EXOC4: variants seen among roughly 807,000 people sequenced by gnomAD.
The protein encoded by EXOC4 is exocyst complex component 4.
EXOC4 carries 71 observed loss-of-function variants against 107.2 expected under a neutral mutation model. The ratio of observed to expected loss-of-function variants is 0.66; its 90% CI spans 0.55 to 0.81. The LOEUF (loss-of-function observed/expected upper bound fraction) is 0.81, where lower values mean the gene tolerates loss of function less well. Ranked by LOEUF, EXOC4 falls within the 30% of genes least tolerant of loss-of-function variation. EXOC4 has a pLI of 0.00. For synonymous variants in EXOC4, 456 were observed against 441.2 expected, an observed-to-expected ratio of 1.03 and a Z score of -0.42; for missense variants, 1,108 against 1,189.6, an observed-to-expected ratio of 0.93 and a Z score of 1.01.
At chr7:133,420,119 C>A (rs1285281709) in intron 7 of EXOC4, among the ~76,000 whole-genome samples, 1 of 126,820 alleles carries the variant, frequency 7.9e-6, no homozygotes, top group East Asian at 2.4e-4. Flanking sequence ...ATCCCTCCCC[C>A]CTCCCCCCAC....
chr7:134,005,016 A>G lies in EXOC4; in HGVS notation c.2453A>G (p.Asn818Ser), dbSNP rs768204269. The G allele has an allele frequency of 1.2e-6, 2 of 1,613,564 alleles. No homozygotes were observed. The highest frequency in any genetic ancestry group is 1.7e-6 in the Non-Finnish European group (2 of 1,179,692). Reference protein sequence around the residue: ...MDYDPLVVKLNKDISAIEEAM... With the variant: ...MDYDPLVVKLSKDISAIEEAM... The stretch of plus-strand genomic sequence containing the variant: ...TATGACCCCCTGGTGGTCAAGCTCA[A>G]CAAAGATATCAGCGCCATTGAAGAG... Residue 818 changes from asparagine (N) to serine (S), a missense_variant, in exon 16 of 18, where the codon AAC (asparagine) becomes AGC (serine). Coordinates refer to ENST00000253861, the MANE Select transcript of EXOC4 (RefSeq NM_021807.4).
At chr7:133,526,720 C>G (rs534838860) in intron 9 of EXOC4, among the ~76,000 whole-genome samples, 1 of 152,244 alleles carries the variant, frequency 6.6e-6, no homozygotes, top group African/African-American at 2.4e-5. Context: ...GCCTATAGTC[C>G]CAGCACTTTG....
chr7:133,580,061 T>G (rs1449876708), intron 9 of EXOC4, among the ~76,000 whole-genome samples: 2 of 152,214 alleles, frequency 1.3e-5, no homozygotes, highest in African/African-American at 4.8e-5. Context: ...AGTGTTTGCC[T>G]TTTCGTGACT....
Position 134,045,502 on chromosome 7 carries a change from C to A in EXOC4, c.2688-18789C>A, listed in dbSNP as rs553698698. On this transcript the variant is annotated intron_variant, in intron 17 of 17. Coordinates refer to ENST00000253861, the MANE Select transcript of EXOC4 (RefSeq NM_021807.4). ...GAGAACATGGAACTGCAGCAAACAT[C>A]TCAATTAATGGATCAATCCTCACAA... Among the ~76,000 whole-genome samples the A allele has an allele frequency of 3.9e-5, 6 of 152,322 alleles. No individual in the cohort carries two copies. The South Asian group carries it at 1.2e-3, about 32-fold the overall frequency.
intron 13 of EXOC4, among the ~76,000 whole-genome samples, chr7:133,936,257 C>A (rs1401062910): frequency 2.0e-5 from 3 of 152,184 alleles, no homozygotes; most frequent in Non-Finnish European, 4.4e-5. Flanking sequence ...AAAAAGATAA[C>A]CCTCGGCTAA....
chr7:133,848,906 T>C (rs1798187865), intron 11 of EXOC4, among the ~76,000 whole-genome samples: 2 of 152,202 alleles, frequency 1.3e-5, no homozygotes, highest in South Asian at 4.1e-4. Context: ...TCAGTACATA[T>C]TTATTGAGTA....
intron 17 of EXOC4, among the ~76,000 whole-genome samples, chr7:134,053,333 C>G (rs1004085930): frequency 6.6e-6 from 1 of 151,922 alleles, no homozygotes; most frequent in Non-Finnish European, 1.5e-5. Flanking sequence ...CTAAATGCTT[C>G]TACATTCTTA....
chr7:133,806,313 A>T (rs1323927439), intron 10 of EXOC4, among the ~76,000 whole-genome samples: 1 of 152,210 alleles, frequency 6.6e-6, no homozygotes, highest in Non-Finnish European at 1.5e-5. Flanking sequence ...AAAATAGAGA[A>T]CACAGGAGGA....
At chr7:134,072,752 A>C in the EXOC4 span, among the ~76,000 whole-genome samples, 1 of 152,178 alleles carries the variant, frequency 6.6e-6, no homozygotes, top group African/African-American at 2.4e-5. Context: ...GCTCCTGTCC[A>C]ACAGAGGCAT....
intron 6 of EXOC4, among the ~76,000 whole-genome samples, chr7:133,359,681 T>A (rs1796097120): frequency 1.3e-5 from 2 of 152,314 alleles, no homozygotes; most frequent in South Asian, 4.1e-4. Context: ...CTGGTTGTGA[T>A]GCATTGCAGG....
At chr7:133,434,513 CT>C (rs879305304) in intron 7 of EXOC4, among the ~76,000 whole-genome samples, 3 of 152,178 alleles carry the variant, frequency 2.0e-5, no homozygotes, top group Non-Finnish European at 4.4e-5. Context: ...CAAAGCTCCC[CT>C]CCAAGTCATT....
chr7:133,695,737 G>C (rs750524969), intron 10 of EXOC4, among the ~76,000 whole-genome samples: 2 of 152,272 alleles, frequency 1.3e-5, no homozygotes, highest in South Asian at 4.1e-4. Context: ...ACCTTTTCTA[G>C]TCCATTATCA....
At chr7:133,661,696 A>AAC (rs1562896890) in intron 10 of EXOC4, among the ~76,000 whole-genome samples, 1 of 149,464 alleles carries the variant, frequency 6.7e-6, no homozygotes, top group Non-Finnish European at 1.5e-5. Flanking sequence ...AAACAAAAAA[A>AAC]AAAAAAACAA....
intron 10 of EXOC4, among the ~76,000 whole-genome samples, chr7:133,766,318 A>G (rs190833901): frequency 1.3e-5 from 2 of 152,180 alleles, no homozygotes; most frequent in East Asian, 3.9e-4. Flanking sequence ...CCTGCTAATT[A>G]TAACTGTATG....
At chr7:134,041,245 C>T (rs887289203) in intron 17 of EXOC4, among the ~76,000 whole-genome samples, 2 of 152,152 alleles carry the variant, frequency 1.3e-5, no homozygotes, top group Non-Finnish European at 2.9e-5. Flanking sequence ...ACTCTCTCTT[C>T]TTTAGACCCA....
intron 7 of EXOC4, among the ~76,000 whole-genome samples, chr7:133,462,337 A>T (rs1001984274): frequency 5.3e-5 from 8 of 152,244 alleles, no homozygotes; most frequent in African/African-American, 1.7e-4. Context: ...AGAAAAGAAT[A>T]TAAGAATGAT....
At chr7:133,866,579 A>T (rs889682271) in intron 11 of EXOC4, among the ~76,000 whole-genome samples, 1 of 152,180 alleles carries the variant, frequency 6.6e-6, no homozygotes, top group Admixed American at 6.5e-5. Context: ...AATTTGAGGC[A>T]TTGCCACTTT....
intron 5 of EXOC4, among the ~76,000 whole-genome samples, chr7:133,354,537 G>C (rs1046550435): frequency 2.0e-5 from 3 of 152,148 alleles, no homozygotes; most frequent in African/African-American, 7.2e-5. Context: ...GGCAGTAGGG[G>C]AAGGCTACTG....
intron 11 of EXOC4, among the ~76,000 whole-genome samples, chr7:133,887,868 G>A (rs967122786): frequency 3.3e-5 from 5 of 152,146 alleles, no homozygotes; most frequent in African/African-American, 4.8e-5. Flanking sequence ...TCTTCTTAGC[G>A]TAGGGACGTG....
Sources: gnomAD v4.1 joint callset for allele counts (sites outside exome capture counted in the v4.1 genomes callset) on GRCh38, gnomAD v4.1.1 for gene constraint, MANE v1.5 for transcripts, NCBI Gene and HGNC (gene_info 2026-07-23, HGNC 2026-07-21) for gene names.